Variants in PLA2G5 observed in about 807,000 individuals in gnomAD.
The protein encoded by PLA2G5 is phospholipase A2 group V.
A neutral mutation model predicts 15.9 loss-of-function variants in PLA2G5; 12 were observed. The observed-to-expected ratio is 0.76, with a 90% CI of 0.48 to 1.23. The LOEUF is 1.23. Among genes scored for constraint, PLA2G5 ranks in the 50% most tolerant of loss-of-function variants. The pLI, the probability that PLA2G5 is intolerant of heterozygous loss-of-function variation, is 0.00. For synonymous variants in PLA2G5, 71 were observed against 71.4 expected (o/e 0.99, Z 0.03); for missense variants, 169 against 177.1 (o/e 0.95, Z 0.26).
chr1:20,061,110 C>T (rs530658013), intron 2 of PLA2G5, among the ~76,000 whole-genome samples: 5 of 152,292 alleles, frequency 3.3e-5, no homozygotes, highest in Admixed American at 2.0e-4. Flanking sequence ...CCAGATTGGC[C>T]TCATCTCTCC....
Position 20,090,757 on chromosome 1 carries a change from G to GT in PLA2G5, c.*65_*66insT. On this transcript the variant is annotated 3_prime_UTR_variant, in exon 5 of 5. Coordinates refer to ENST00000375108, the MANE Select transcript of PLA2G5 (RefSeq NM_000929.3). Reference sequence around the variant, plus strand: ...CTGTTTTTCTACAACACAGAGTACTGACTCTGCCTGGTTCCTGAGAGAGGC... The same window carrying GT: ...CTGTTTTTCTACAACACAGAGTACTGTACTCTGCCTGGTTCCTGAGAGAGGC... 2 of 1,537,822 alleles carry GT rather than the reference G, an allele frequency of 1.3e-6. No homozygotes were observed. Among genetic ancestry groups the GT allele is most frequent in the Non-Finnish European group, 1.8e-6 (2 of 1,112,852 alleles).
rs571294470 is a variant in PLA2G5 at position 20,090,584 on chromosome 1, C to A, written c.309C>A (p.Cys103Ter). The change falls in exon 5 of 5, where the codon TGC (cysteine) becomes TGA (stop). Residue 103 changes from cysteine (C) to a stop codon, truncating the protein, a stop_gained. Coordinates refer to ENST00000375108, the MANE Select transcript of PLA2G5 (RefSeq NM_000929.3). LOFTEE classifies it low-confidence loss of function (END_TRUNC). ...GVVTCEPGPF[C>*]HVNLCACDRK... ...CTTTTGCAGAGCCCGGGCCCTTCTG[C>A]CATGTGAACCTCTGTGCCTGTGACC... 28 of 1,614,104 alleles carry A rather than the reference C, an allele frequency of 1.7e-5. No individual in the cohort carries two copies. In the Admixed American group the frequency reaches 2.7e-4, roughly 15 times the overall value.
At chr1:20,045,640 C>A (rs933139083) in intron 1 of PLA2G5, among the ~76,000 whole-genome samples, 1 of 152,036 alleles carries the variant, frequency 6.6e-6, no homozygotes, top group African/African-American at 2.4e-5. Context: ...GCTGCTTACC[C>A]GATTTAAAAT....
rs148115364 is a variant in PLA2G5, at chr1:20,084,780, T to C, written c.-10-41T>C. ...GGGATCTGAATGGGCCACGGGGGCATTGCCTGATAGATCTGTTGTGGGATG... is the reference window on the plus strand; with the variant it reads ...GGGATCTGAATGGGCCACGGGGGCACTGCCTGATAGATCTGTTGTGGGATG... On this transcript the variant is annotated intron_variant, in intron 1 of 4. Coordinates refer to ENST00000375108, the MANE Select transcript of PLA2G5 (RefSeq NM_000929.3). The C allele has an allele frequency of 1.4e-3, 1,942 of 1,421,996 alleles. 31 individuals carry two copies. In the South Asian group the frequency reaches 0.017, roughly 12 times the overall value. 88.1% of individuals were successfully genotyped at this position (1,421,996 alleles called of 1,614,324 possible).
intron 1 of PLA2G5, among the ~76,000 whole-genome samples, chr1:20,082,180 A>G (rs2016065599): frequency 1.3e-5 from 2 of 151,984 alleles, no homozygotes; most frequent in Admixed American, 1.3e-4. Flanking sequence ...GGGGCCAACC[A>G]GGCGACTTGA....
At position 20,090,820 on chromosome 1, in the gene PLA2G5, C is replaced by T. The variant is rs1411060589; in HGVS notation, c.*128C>T. 9 of 995,314 alleles carry T rather than the reference C, an allele frequency of 9.0e-6. No homozygotes were observed. The highest frequency in any genetic ancestry group is 1.6e-5 in the African/African-American group (1 of 62,644). 61.7% of individuals were successfully genotyped at this position (995,314 alleles called of 1,614,324 possible). A position where few individuals can be genotyped will look rare whatever the true frequency, so the allele number is the denominator to read the frequency against. On this transcript the variant is annotated 3_prime_UTR_variant, in exon 5 of 5. Coordinates refer to ENST00000375108, the MANE Select transcript of PLA2G5 (RefSeq NM_000929.3). ...GACCTCAGTCTTTCTCGAAGCTTGG[C>T]GGACCCCCAGGGCCACACTGTACCC...
chr1:20,062,169 G>T (rs1385795200), intron 2 of PLA2G5, among the ~76,000 whole-genome samples: 1 of 152,180 alleles, frequency 6.6e-6, no homozygotes, highest in Non-Finnish European at 1.5e-5. Context: ...GAACCATGAG[G>T]CCATTAAACC....
intron 1 of PLA2G5, among the ~76,000 whole-genome samples, chr1:20,076,346 A>G (rs2015678832): frequency 6.6e-6 from 1 of 152,146 alleles, no homozygotes; most frequent in Non-Finnish European, 1.5e-5. Flanking sequence ...CAATTATTGG[A>G]ACACTGAACC....
At chr1:20,047,754 GTGTA>G (rs935642525) in intron 1 of PLA2G5, among the ~76,000 whole-genome samples, 3 of 139,736 alleles carry the variant, frequency 2.1e-5, no homozygotes, top group Non-Finnish European at 4.7e-5. Context: ...GTGTGTGTGT[GTGTA>G]TGTGTATATA....
chr1:20,087,400 CT>C (rs903892388), intron 3 of PLA2G5, among the ~76,000 whole-genome samples: 21 of 148,104 alleles, frequency 1.4e-4, no homozygotes, highest in Middle Eastern at 3.5e-3. Context: ...TGATCATATA[CT>C]TTTTTTTTTT....
chr1:20,070,400 G>A lies in PLA2G5; in HGVS notation c.-76G>A, dbSNP rs2015298274. The A allele has an allele frequency of 1.4e-5, 14 of 985,364 alleles. No homozygotes were observed. Among genetic ancestry groups the A allele is most frequent in the African/African-American group, 1.7e-5 (1 of 57,254 alleles). The allele number at this position is 985,364 out of a possible 1,614,324, so 61.0% of individuals were successfully genotyped here. A position where few individuals can be genotyped will look rare whatever the true frequency, so the allele number is the denominator to read the frequency against. On this transcript the variant is annotated 5_prime_UTR_variant, in exon 1 of 5. Coordinates refer to ENST00000375108, the MANE Select transcript of PLA2G5 (RefSeq NM_000929.3). Reference sequence around the variant, plus strand: ...AGCCCGCGAGACCCGGGTCTCCAGGGTCTGCCCAAGGAAGTTGCTCATGGG... The same window carrying A: ...AGCCCGCGAGACCCGGGTCTCCAGGATCTGCCCAAGGAAGTTGCTCATGGG...
At chr1:20,072,842 T>C (rs1294016545) in intron 1 of PLA2G5, among the ~76,000 whole-genome samples, 6 of 152,182 alleles carry the variant, frequency 3.9e-5, no homozygotes, top group Non-Finnish European at 7.3e-5. Flanking sequence ...ACGGACATTC[T>C]GAAGGCCTGT....
intron 1 of PLA2G5, among the ~76,000 whole-genome samples, chr1:20,040,113 C>T (rs2013511097): frequency 1.3e-5 from 2 of 152,138 alleles, no homozygotes; most frequent in African/African-American, 4.8e-5. Flanking sequence ...AACTGTCCTT[C>T]CTACACTGTT....
chr1:20,051,310 G>A (rs1017383314), intron 1 of PLA2G5, among the ~76,000 whole-genome samples: 1 of 152,136 alleles, frequency 6.6e-6, no homozygotes, highest in Admixed American at 6.6e-5. Context: ...TGTGACATCA[G>A]AATAGAAGAA....
At chr1:20,045,178 A>T (rs180752558) in intron 1 of PLA2G5, among the ~76,000 whole-genome samples, 116 of 152,310 alleles carry the variant, frequency 7.6e-4, no homozygotes, top group African/African-American at 2.6e-3. Flanking sequence ...AGAGGTTTTA[A>T]GTGCTTGAGA....
intron 3 of PLA2G5, among the ~76,000 whole-genome samples, chr1:20,089,318 C>T (rs1268847549): frequency 6.6e-6 from 1 of 152,208 alleles, no homozygotes; most frequent in Non-Finnish European, 1.5e-5. Flanking sequence ...ATTTCTGGAT[C>T]ACATAACAGT....
At chr1:20,034,664 T>C (rs1175437575) in intron 1 of PLA2G5, among the ~76,000 whole-genome samples, 1 of 151,898 alleles carries the variant, frequency 6.6e-6, no homozygotes, top group Non-Finnish European at 1.5e-5. Context: ...TGAAGGGAAA[T>C]GGAGGGGTTT....
upstream of PLA2G5, chr1:20,070,058 G>A: frequency 3.5e-6 from 1 of 283,828 alleles, no homozygotes; most frequent in Non-Finnish European, 5.3e-6. Flanking sequence ...CTTGTGAAGT[G>A]GCTAAAGCCG....
At chr1:20,037,220 G>C (rs1205927973) in intron 1 of PLA2G5, among the ~76,000 whole-genome samples, 1 of 152,194 alleles carries the variant, frequency 6.6e-6, no homozygotes, top group Admixed American at 6.5e-5. Flanking sequence ...AAGCGTTGCT[G>C]TTCAGATTCT....
Sources: gnomAD v4.1 joint callset for allele counts (sites outside exome capture counted in the v4.1 genomes callset) on GRCh38, gnomAD v4.1.1 for gene constraint, MANE v1.5 for transcripts, NCBI Gene and HGNC (gene_info 2026-07-23, HGNC 2026-07-21) for gene names.